Variants in ASB7 observed in about 807,000 individuals in gnomAD.
ASB7 encodes ankyrin repeat and SOCS box containing 7, also known as ankyrin repeat and SOCS box protein 7.
A neutral mutation model predicts 32.5 loss-of-function variants in ASB7; 4 were observed. The observed-to-expected ratio is 0.12, with a 90% CI of 0.06 to 0.28. The LOEUF is 0.28. ASB7 is among the 10% of genes least tolerant of loss of function. The pLI is 1.00. For synonymous variants in ASB7, 172 were observed against 155.6 expected (o/e 1.11, Z -0.78); for missense variants, 181 against 407.1 (o/e 0.44, Z 4.78).
At chr15:100,616,219 A>G (rs1468896121) in intron 4 of ASB7, among the ~76,000 whole-genome samples, 1 of 152,038 alleles carries the variant, frequency 6.6e-6, no homozygotes, top group Admixed American at 6.5e-5. Context: ...CAAACATTGC[A>G]AGACTGGGCT....
intron 5 of ASB7, among the ~76,000 whole-genome samples, chr15:100,633,255 A>G (rs1205493444): frequency 1.3e-5 from 2 of 151,684 alleles, no homozygotes; most frequent in Non-Finnish European, 2.9e-5. Context: ...AAGAGAGAAC[A>G]GTGAAGGTGT....
chr15:100,636,761 T>C (rs1231725140), intron 5 of ASB7, among the ~76,000 whole-genome samples: 1 of 152,250 alleles, frequency 6.6e-6, no homozygotes, highest in East Asian at 1.9e-4. Flanking sequence ...TTGTTTTTTA[T>C]TTATTTATTT....
At chr15:100,632,729 A>G (rs1467636954) in intron 5 of ASB7, among the ~76,000 whole-genome samples, 1 of 152,144 alleles carries the variant, frequency 6.6e-6, no homozygotes, top group Non-Finnish European at 1.5e-5. Context: ...TTTACTCTTC[A>G]TCACACTGTT....
At chr15:100,630,188 T>TAAA in intron 5 of ASB7, 146 bp downstream of exon 5, 1 of 1,236,728 alleles carries the variant, frequency 8.1e-7, no homozygotes, top group Non-Finnish European at 1.0e-6. Flanking sequence ...TCTTCTGAAA[T>TAAA]AAAAAAAAAA....
chr15:100,625,021 A>G (rs753452527), intron 4 of ASB7, among the ~76,000 whole-genome samples: 33 of 152,228 alleles, frequency 2.2e-4, no homozygotes, highest in African/African-American at 4.1e-4. Context: ...ATACCTAACA[A>G]TCATTTCAGT....
chr15:100,610,576 A>G (rs964133406), intron 3 of ASB7, among the ~76,000 whole-genome samples: 1 of 152,138 alleles, frequency 6.6e-6, no homozygotes, highest in Admixed American at 6.5e-5. Flanking sequence ...TGATATTTTT[A>G]AATTTGAGCA....
At chr15:100,624,872 G>A (rs991810055) in intron 4 of ASB7, among the ~76,000 whole-genome samples, 8 of 150,238 alleles carry the variant, frequency 5.3e-5, no homozygotes, top group African/African-American at 1.9e-4. Context: ...AATTCCTAAC[G>A]AAATATTGGC....
intron 4 of ASB7, among the ~76,000 whole-genome samples, chr15:100,613,661 C>T (rs2039715765): frequency 6.6e-6 from 1 of 152,200 alleles, no homozygotes. Flanking sequence ...GGTTAAAATT[C>T]TATGCAGGGC....
In ASB7 at chr15:100,648,712, A is replaced by G; in HGVS notation, c.*250A>G. Reference sequence around the variant, plus strand: ...TTCTTGGTCCAAGTTTAAGAGGTCCAAGCTTTGTATACAATACTGCATTTA... The same window carrying G: ...TTCTTGGTCCAAGTTTAAGAGGTCCGAGCTTTGTATACAATACTGCATTTA... On this transcript the variant is annotated 3_prime_UTR_variant, in exon 6 of 6. Coordinates refer to ENST00000332783, the MANE Select transcript of ASB7 (RefSeq NM_198243.3). 5.7e-6 allele frequency: 2 copies of G among 351,298 alleles called. No individual in the cohort carries two copies. Among genetic ancestry groups the G allele is most frequent in the Non-Finnish European group, 1.0e-5 (2 of 195,922 alleles). The allele number at this position is 351,298 out of a possible 1,614,324, so 21.8% of individuals were successfully genotyped here.
intron 5 of ASB7, among the ~76,000 whole-genome samples, chr15:100,644,098 GT>G (rs1425788889): frequency 2.0e-5 from 3 of 151,932 alleles, no homozygotes; most frequent in Non-Finnish European, 2.9e-5. Context: ...AAATACAAAA[GT>G]TAGCTGGGCG....
chr15:100,635,891 T>C (rs114746613), intron 5 of ASB7, among the ~76,000 whole-genome samples: 1 of 152,134 alleles, frequency 6.6e-6, no homozygotes, highest in East Asian at 1.9e-4. Context: ...CCCCCGGGGC[T>C]CGGGCCTTTG....
At chr15:100,624,732 A>C (rs759939493) in intron 4 of ASB7, among the ~76,000 whole-genome samples, 2 of 152,234 alleles carry the variant, frequency 1.3e-5, no homozygotes, top group African/African-American at 2.4e-5. Context: ...AGGATTCTAC[A>C]CAAATTTTTT....
At chr15:100,634,698 C>T (rs1230841735) in intron 5 of ASB7, among the ~76,000 whole-genome samples, 1 of 152,010 alleles carries the variant, frequency 6.6e-6, no homozygotes, top group African/African-American at 2.4e-5. Flanking sequence ...CCGCTACTCA[C>T]GAGGCTGAGG....
intron 2 of ASB7, among the ~76,000 whole-genome samples, chr15:100,608,827 A>G (rs533199962): frequency 3.3e-5 from 5 of 152,350 alleles, no homozygotes; most frequent in African/African-American, 7.2e-5. Context: ...GAAGTGGACT[A>G]TACCAATTTG....
intron 5 of ASB7, chr15:100,645,527 G>A: frequency 1.5e-6 from 1 of 659,394 alleles, no homozygotes; most frequent in Non-Finnish European, 2.9e-6. Context: ...CTCTTCATGA[G>A]CAGCCACATC....
intron 4 of ASB7, among the ~76,000 whole-genome samples, chr15:100,618,215 C>T (rs2039760616): frequency 6.6e-6 from 1 of 152,170 alleles, no homozygotes; most frequent in South Asian, 2.1e-4. Flanking sequence ...CTCCCAGGTT[C>T]AAGCGATTCT....
chr15:100,626,014 G>A (rs925991401), intron 4 of ASB7, among the ~76,000 whole-genome samples: 1 of 152,030 alleles, frequency 6.6e-6, no homozygotes, highest in Admixed American at 6.5e-5. Flanking sequence ...TTAATTATGG[G>A]CTATTGATCT....
At chr15:100,639,720 C>A (rs1355765091) in intron 5 of ASB7, among the ~76,000 whole-genome samples, 2 of 152,142 alleles carry the variant, frequency 1.3e-5, no homozygotes, top group African/African-American at 4.8e-5. Flanking sequence ...GTTTTTCAGT[C>A]CCAGTTATTA....
chr15:100,618,622 G>GGTGTGTGT (rs57805541), intron 4 of ASB7, among the ~76,000 whole-genome samples: 115 of 150,282 alleles, frequency 7.7e-4, no homozygotes, highest in South Asian at 3.6e-3. Context: ...CTGTGTGTGT[G>GGTGTGTGT]GTGTGTGTGT....
Sources: allele counts gnomAD v4.1 joint callset (sites outside exome capture counted in the v4.1 genomes callset), GRCh38; gene constraint gnomAD v4.1.1; transcripts MANE v1.5; gene names NCBI Gene and HGNC (gene_info 2026-07-23, HGNC 2026-07-21).